The following MGMT variants were observed in gnomAD, a reference collection of about 807,000 sequenced individuals.
The protein encoded by MGMT is methylated-DNA--protein-cysteine methyltransferase.
MGMT carries 14 observed loss-of-function variants against 15.9 expected under a neutral mutation model. The observed-to-expected ratio is 0.88, with a 90% CI of 0.58 to 1.37. MGMT has a LOEUF of 1.37. MGMT is among the 40% of genes most tolerant of loss of function. The pLI is 0.00. For synonymous variants in MGMT, 130 were observed against 118.2 expected (o/e 1.10, Z -0.65); for missense variants, 282 against 268.1 (o/e 1.05, Z -0.36).
At chr10:129,704,594 G>A (rs771514095) in intron 2 of MGMT, among the ~76,000 whole-genome samples, 5 of 152,078 alleles carry the variant, frequency 3.3e-5, no homozygotes, top group Non-Finnish European at 4.4e-5. Context: ...TCACAGGTCC[G>A]ACTGCTGGTC....
chr10:129,670,008 C>T (rs1019192768), intron 2 of MGMT, among the ~76,000 whole-genome samples: 16 of 152,076 alleles, frequency 1.1e-4, no homozygotes, highest in African/African-American at 2.7e-4. Context: ...TGCAGTAAAA[C>T]GTTACTACCT....
At chr10:129,632,705 G>A (rs1436774083) in intron 2 of MGMT, among the ~76,000 whole-genome samples, 1 of 152,148 alleles carries the variant, frequency 6.6e-6, no homozygotes, top group Non-Finnish European at 1.5e-5. Flanking sequence ...TGGAGTTTGG[G>A]GGAGAGAGGG....
chr10:129,666,711 A>C (rs1359006981), intron 2 of MGMT, among the ~76,000 whole-genome samples: 1 of 152,132 alleles, frequency 6.6e-6, no homozygotes, highest in Non-Finnish European at 1.5e-5. Flanking sequence ...ATTCCTTCCT[A>C]ATATTTTTAT....
intron 3 of MGMT, among the ~76,000 whole-genome samples, chr10:129,757,903 A>G (rs1182373597): frequency 2.0e-5 from 3 of 152,220 alleles, no homozygotes; most frequent in Non-Finnish European, 4.4e-5. Context: ...AAAAGGACAA[A>G]TCAGTCTGAT....
chr10:129,662,367 A>G (rs1847607455), intron 2 of MGMT, among the ~76,000 whole-genome samples: 1 of 152,212 alleles, frequency 6.6e-6, no homozygotes, highest in South Asian at 2.1e-4. Flanking sequence ...GCCTCCCAGG[A>G]CACGGAACTT....
chr10:129,540,585 C>T (rs1043232383), intron 2 of MGMT, among the ~76,000 whole-genome samples: 8 of 152,150 alleles, frequency 5.3e-5, no homozygotes, highest in African/African-American at 1.9e-4. Flanking sequence ...TGCTCTTGCT[C>T]CTTTATTCTT....
chr10:129,757,405 C>G (rs993491295), intron 3 of MGMT, among the ~76,000 whole-genome samples: 1 of 152,186 alleles, frequency 6.6e-6, no homozygotes, highest in East Asian at 1.9e-4. Context: ...ACACACCTCC[C>G]TCGTTTCATT....
intron 2 of MGMT, among the ~76,000 whole-genome samples, chr10:129,552,560 G>T (rs1846169337): frequency 6.6e-6 from 1 of 152,246 alleles, no homozygotes; most frequent in South Asian, 2.1e-4. Context: ...CTCATAGTTT[G>T]TCCCTGTACC....
At chr10:129,621,567 T>C (rs1166846767) in intron 2 of MGMT, among the ~76,000 whole-genome samples, 6 of 152,012 alleles carry the variant, frequency 3.9e-5, no homozygotes, top group African/African-American at 9.7e-5. Context: ...CACGAGTGGG[T>C]AGATGAATGC....
At chr10:129,734,044 C>G (rs61874356) in intron 3 of MGMT, among the ~76,000 whole-genome samples, 171 of 145,362 alleles carry the variant, frequency 1.2e-3, no homozygotes, top group South Asian at 2.5e-3. Flanking sequence ...GCGATGCGGG[C>G]TCTTTTTTGG....
intron 2 of MGMT, among the ~76,000 whole-genome samples, chr10:129,661,296 G>C (rs577768891): frequency 3.2e-4 from 48 of 151,902 alleles, no homozygotes; most frequent in Non-Finnish European, 4.1e-4. Flanking sequence ...CTGTGGGATA[G>C]ACGTCTAGGA....
At chr10:129,634,496 C>G (rs1275644931) in intron 2 of MGMT, among the ~76,000 whole-genome samples, 1 of 152,152 alleles carries the variant, frequency 6.6e-6, no homozygotes, top group East Asian at 1.9e-4. Flanking sequence ...CAAAACCTCA[C>G]TGATAATCCT....
chr10:129,500,708 C>T (rs1393798205), intron 1 of MGMT, among the ~76,000 whole-genome samples: 1 of 152,124 alleles, frequency 6.6e-6, no homozygotes, highest in Non-Finnish European at 1.5e-5. Context: ...CACCACCACA[C>T]CTTCCTGATT....
chr10:129,626,419 C>T (rs1847150030), intron 2 of MGMT, among the ~76,000 whole-genome samples: 1 of 152,176 alleles, frequency 6.6e-6, no homozygotes, highest in Admixed American at 6.5e-5. Flanking sequence ...CCTTGAGCTT[C>T]CGGCAGCACG....
chr10:129,605,999 G>C (rs1409580450), intron 2 of MGMT, among the ~76,000 whole-genome samples: 1 of 152,070 alleles, frequency 6.6e-6, no homozygotes, highest in African/African-American at 2.4e-5. Flanking sequence ...TGTGGGATTT[G>C]TGAGGGCTGC....
At chr10:129,662,129 G>A (rs1847604708) in intron 2 of MGMT, among the ~76,000 whole-genome samples, 1 of 152,060 alleles carries the variant, frequency 6.6e-6, no homozygotes, top group Non-Finnish European at 1.5e-5. Flanking sequence ...GTGGGGACAC[G>A]GGAGGCAGAA....
At chr10:129,480,747 T>C (rs1486138144) in intron 1 of MGMT, among the ~76,000 whole-genome samples, 1 of 152,216 alleles carries the variant, frequency 6.6e-6, no homozygotes, top group Non-Finnish European at 1.5e-5. Flanking sequence ...GTTCCCCTTT[T>C]ATCATCAGCA....
intron 3 of MGMT, among the ~76,000 whole-genome samples, chr10:129,749,619 A>G (rs1412070758): frequency 2.0e-5 from 3 of 152,198 alleles, no homozygotes; most frequent in Non-Finnish European, 2.9e-5. Flanking sequence ...TCAGTTTTCA[A>G]ATCAGTAGAG....
At chr10:129,627,475 G>A (rs1037588156) in intron 2 of MGMT, among the ~76,000 whole-genome samples, 3 of 152,032 alleles carry the variant, frequency 2.0e-5, no homozygotes, top group Admixed American at 6.5e-5. Context: ...TTTCGCCCCC[G>A]AGTGTATGAT....
Sources: gnomAD v4.1 joint callset for allele counts (sites outside exome capture counted in the v4.1 genomes callset) on GRCh38, gnomAD v4.1.1 for gene constraint, MANE v1.5 for transcripts, NCBI Gene and HGNC (gene_info 2026-07-23, HGNC 2026-07-21) for gene names.